The following MEOX1 variants were observed in gnomAD, a reference collection of about 807,000 sequenced individuals.
MEOX1 encodes mesenchyme homeobox 1.
In MEOX1, 17 loss-of-function variants were observed where a neutral mutation model predicts 23.2. That is an observed-to-expected ratio of 0.73 (90% confidence interval 0.50 to 1.10). The LOEUF is 1.10. Among genes scored for constraint, MEOX1 ranks in the 50% least tolerant of loss-of-function variants. The pLI, the probability that MEOX1 is intolerant of heterozygous loss-of-function variation, is 0.00. For synonymous variants in MEOX1, 134 were observed against 135.1 expected, an observed-to-expected ratio of 0.99 and a Z score of 0.06; for missense variants, 333 against 332.2, an observed-to-expected ratio of 1.00 and a Z score of -0.02.
intron 1 of MEOX1, among the ~76,000 whole-genome samples, chr17:43,654,283 C>T (rs762230312): frequency 6.6e-5 from 10 of 151,942 alleles, no homozygotes; most frequent in South Asian, 6.2e-4. Context: ...CCAAGGCGGG[C>T]GGATCACCTG....
chr17:43,651,114 C>G (rs1053578832), intron 1 of MEOX1, among the ~76,000 whole-genome samples: 1 of 152,030 alleles, frequency 6.6e-6, no homozygotes, highest in African/African-American at 2.4e-5. Context: ...ATCAGGAGAT[C>G]GAGACCATCC....
chr17:43,645,219 A>C (rs1402815457), intron 1 of MEOX1, among the ~76,000 whole-genome samples: 30 of 131,024 alleles, frequency 2.3e-4, no homozygotes, highest in East Asian at 1.6e-3. Context: ...CTCTGTCGCC[A>C]AGGCTAGAGT....
intron 1 of MEOX1, among the ~76,000 whole-genome samples, chr17:43,646,648 G>A (rs1327079145): frequency 6.6e-6 from 1 of 152,212 alleles, no homozygotes; most frequent in Non-Finnish European, 1.5e-5. Flanking sequence ...TTGGAAGACC[G>A]AACGAGTTAA....
chr17:43,647,730 C>A (rs1972837520), intron 1 of MEOX1, among the ~76,000 whole-genome samples: 1 of 152,226 alleles, frequency 6.6e-6, no homozygotes, highest in Non-Finnish European at 1.5e-5. Flanking sequence ...TATGCCCCAT[C>A]CCTGGCCACC....
intron 1 of MEOX1, among the ~76,000 whole-genome samples, chr17:43,644,997 C>A (rs954163352): frequency 1.3e-5 from 2 of 152,012 alleles, no homozygotes; most frequent in African/African-American, 4.8e-5. Context: ...CTTGAGCAGA[C>A]GGGTGGGAGG....
intron 1 of MEOX1, among the ~76,000 whole-genome samples, chr17:43,645,079 A>G (rs1176248775): frequency 6.6e-6 from 1 of 151,988 alleles, no homozygotes; most frequent in African/African-American, 2.4e-5. Context: ...ACACACTTAC[A>G]CAATTAACTC....
chr17:43,660,312 G>A (rs957240438), intron 1 of MEOX1, among the ~76,000 whole-genome samples: 21 of 152,182 alleles, frequency 1.4e-4, no homozygotes, highest in African/African-American at 4.8e-4. Context: ...ACTCCAGCAC[G>A]GACTCCCTTG....
chr17:43,653,757 C>T (rs1423923173), intron 1 of MEOX1, among the ~76,000 whole-genome samples: 1 of 152,022 alleles, frequency 6.6e-6, no homozygotes, highest in Admixed American at 6.6e-5. Context: ...ATCCGCCCAC[C>T]TCGGCCTCCC....
chr17:43,641,658 G>T lies in MEOX1; in HGVS notation c.*252C>A. The T allele has an allele frequency of 2.5e-6, 1 of 408,016 alleles. No individual in the cohort carries two copies. Among genetic ancestry groups the T allele is most frequent in the East Asian group, 4.3e-5 (1 of 23,160 alleles). The allele number at this position is 408,016 out of a possible 1,614,324, so 25.3% of individuals were successfully genotyped here. ...GCTGTTTCCAGATTCATCCGGCCCG[G>T]TAGGATCTCTGTCTGATTCCATGAG... On this transcript the variant is annotated 3_prime_UTR_variant, in exon 3 of 3. Coordinates refer to ENST00000318579, the MANE Select transcript of MEOX1 (RefSeq NM_004527.4).
intron 2 of MEOX1, 115 bp downstream of exon 2, chr17:43,643,373 C>G: frequency 9.7e-7 from 1 of 1,033,448 alleles, no homozygotes; most frequent in Non-Finnish European, 1.4e-6. Flanking sequence ...CAGTTGAAAA[C>G]CGCTGGACTG....
chr17:43,660,340 C>T (rs1047079195), intron 1 of MEOX1, among the ~76,000 whole-genome samples: 1 of 152,228 alleles, frequency 6.6e-6, no homozygotes, highest in African/African-American at 2.4e-5. Flanking sequence ...GCCTCCCTGA[C>T]TCTCTCAGAG....
chr17:43,643,457 AAAG>A lies in MEOX1; in HGVS notation c.642+28_642+30del, dbSNP rs772847956. ...AGGGAAGGGAGGGAGATGAGAGAGC[AAAG>A]AAGAGGAGGGGCCCACCGGGGGCGC... On this transcript the variant is annotated intron_variant, in intron 2 of 2. Transcript: ENST00000318579. 7 of 1,532,772 alleles carry A rather than the reference AAAG, an allele frequency of 4.6e-6. No individual in the cohort carries two copies. The South Asian group carries it at 7.4e-5, about 16-fold the overall frequency. 94.9% of individuals were successfully genotyped at this position (1,532,772 alleles called of 1,614,324 possible). A position where few individuals can be genotyped will look rare whatever the true frequency, so the allele number is the denominator to read the frequency against.
chr17:43,660,636 T>C (rs1436216099), intron 1 of MEOX1, among the ~76,000 whole-genome samples: 1 of 152,184 alleles, frequency 6.6e-6, no homozygotes, highest in African/African-American at 2.4e-5. Flanking sequence ...TCTCAGAGCC[T>C]TAACCTCAGC....
chr17:43,640,733 T>A lies in MEOX1; in HGVS notation c.*1177A>T. The stretch of plus-strand genomic sequence containing the variant: ...TGGCCATCAGTCCTCAAATGTCATC[T>A]CCAGAAGACCTGGCTGAGGTCTGGG... On this transcript the variant is annotated 3_prime_UTR_variant, in exon 3 of 3. Coordinates refer to ENST00000318579, the MANE Select transcript of MEOX1 (RefSeq NM_004527.4). 6.6e-6 allele frequency: 1 copy of A among 152,202 alleles called. No individual in the cohort carries two copies. The highest frequency in any genetic ancestry group is 1.9e-4 in the East Asian group (1 of 5,194). The allele number at this position is 152,202 out of a possible 1,614,324, so 9.4% of individuals were successfully genotyped here. A position where few individuals can be genotyped will look rare whatever the true frequency, so the allele number is the denominator to read the frequency against.
intron 1 of MEOX1, among the ~76,000 whole-genome samples, chr17:43,648,125 C>T (rs1474540533): frequency 2.6e-5 from 4 of 152,208 alleles, no homozygotes; most frequent in Admixed American, 6.5e-5. Context: ...GGGAGCTGTT[C>T]GGTCACCCTG....
At chr17:43,642,153 A>G in intron 2 of MEOX1, 121 bp from the exon 3 acceptor site, 1 of 985,652 alleles carries the variant, frequency 1.0e-6, no homozygotes, top group Non-Finnish European at 1.5e-6. Flanking sequence ...ATCACTTACC[A>G]CTCCCTACTC....
chr17:43,659,119 G>A (rs1973094508), intron 1 of MEOX1, among the ~76,000 whole-genome samples: 2 of 152,182 alleles, frequency 1.3e-5, no homozygotes, highest in South Asian at 2.1e-4. Flanking sequence ...GCTGAGACTC[G>A]GAATGCTGGA....
chr17:43,651,845 C>T (rs1284439707), intron 1 of MEOX1, among the ~76,000 whole-genome samples: 3 of 152,200 alleles, frequency 2.0e-5, no homozygotes, highest in Non-Finnish European at 4.4e-5. Flanking sequence ...CTGAGGTGAC[C>T]CCTGGGCTGA....
intron 1 of MEOX1, among the ~76,000 whole-genome samples, chr17:43,648,552 G>A (rs575644386): frequency 6.6e-6 from 1 of 152,124 alleles, no homozygotes; most frequent in African/African-American, 2.4e-5. Context: ...ACTTTGTTAG[G>A]GAGGCTTCCT....
Sources: allele counts gnomAD v4.1 joint callset (sites outside exome capture counted in the v4.1 genomes callset), GRCh38; gene constraint gnomAD v4.1.1; transcripts MANE v1.5; gene names NCBI Gene and HGNC (gene_info 2026-07-23, HGNC 2026-07-21).